Variants in ROBO2 observed in about 807,000 individuals in gnomAD.
The protein encoded by ROBO2 is roundabout homolog 2.
Under a neutral mutation model 160.8 loss-of-function variants are expected in ROBO2, and 53 were observed. The ratio of observed to expected loss-of-function variants is 0.33; its 90% confidence interval spans 0.26 to 0.41. The LOEUF (loss-of-function observed/expected upper bound fraction) is 0.41, where lower values mean the gene tolerates loss of function less well. ROBO2 is among the 10% of genes least tolerant of loss of function. The pLI is 1.00. For synonymous variants in ROBO2, 664 were observed against 611.7 expected, an observed-to-expected ratio of 1.09 and a Z score of -1.26; for missense variants, 1,577 against 1,722.4, an observed-to-expected ratio of 0.92 and a Z score of 1.49.
intron 2 of ROBO2, among the ~76,000 whole-genome samples, chr3:76,911,012 G>A (rs1033353080): frequency 6.6e-6 from 1 of 152,094 alleles, no homozygotes; most frequent in Admixed American, 6.5e-5. Flanking sequence ...AATAGTGTAT[G>A]TGTTGGCGTG....
intron 2 of ROBO2, among the ~76,000 whole-genome samples, chr3:76,196,027 T>C (rs1412328642): frequency 2.6e-5 from 4 of 152,106 alleles, no homozygotes; most frequent in Admixed American, 6.6e-5. Flanking sequence ...TCTCATAGGA[T>C]TGCAATGTGC....
chr3:75,968,595 G>C (rs1190624965), intron 2 of ROBO2, among the ~76,000 whole-genome samples: 3 of 150,846 alleles, frequency 2.0e-5, no homozygotes, highest in African/African-American at 7.3e-5. Context: ...ATTGGCAAGA[G>C]CACCTAAAAA....
chr3:76,947,766 T>C (rs2078660765), intron 2 of ROBO2, among the ~76,000 whole-genome samples: 1 of 152,148 alleles, frequency 6.6e-6, no homozygotes, highest in Admixed American at 6.6e-5. Context: ...ATGTGACTGG[T>C]TTTTTTGTTC....
intron 2 of ROBO2, among the ~76,000 whole-genome samples, chr3:76,302,306 T>C (rs1478089886): frequency 6.6e-6 from 1 of 152,110 alleles, no homozygotes; most frequent in Non-Finnish European, 1.5e-5. Flanking sequence ...AGCTTATCAA[T>C]GATCTGAGAA....
At chr3:77,296,164 T>G (rs1401332589) in intron 2 of ROBO2, among the ~76,000 whole-genome samples, 3 of 149,404 alleles carry the variant, frequency 2.0e-5, no homozygotes, top group East Asian at 2.0e-4. Context: ...GCTAAACGAG[T>G]AAGCTGAGGC....
At chr3:76,295,260 G>C (rs1442019494) in intron 2 of ROBO2, among the ~76,000 whole-genome samples, 1 of 151,830 alleles carries the variant, frequency 6.6e-6, no homozygotes, top group African/African-American at 2.4e-5. Flanking sequence ...GATTCTTTTT[G>C]TCCTCCCCTG....
intron 6 of ROBO2, among the ~76,000 whole-genome samples, chr3:77,539,457 T>A (rs560589890): frequency 6.6e-6 from 1 of 152,226 alleles, no homozygotes; most frequent in East Asian, 1.9e-4. Flanking sequence ...CACATATATA[T>A]TGTTTTCAAA....
intron 2 of ROBO2, among the ~76,000 whole-genome samples, chr3:76,332,598 T>C (rs1295333750): frequency 2.6e-5 from 4 of 152,168 alleles, no homozygotes; most frequent in Non-Finnish European, 5.9e-5. Context: ...TCATAGACAA[T>C]ATAATCTTGA....
intron 6 of ROBO2, among the ~76,000 whole-genome samples, chr3:77,525,313 T>C (rs2091033060): frequency 6.7e-6 from 1 of 148,534 alleles, no homozygotes; most frequent in Non-Finnish European, 1.5e-5. Flanking sequence ...ATGTTTCTGC[T>C]AAAATTTTAT....
chr3:77,112,047 A>G (rs879413352), intron 2 of ROBO2, among the ~76,000 whole-genome samples: 7 of 151,792 alleles, frequency 4.6e-5, no homozygotes, highest in Non-Finnish European at 1.0e-4. Context: ...CCCCATCTCT[A>G]CAAAAAAATA....
At chr3:76,646,839 G>C (rs1164942424) in intron 2 of ROBO2, among the ~76,000 whole-genome samples, 1 of 152,112 alleles carries the variant, frequency 6.6e-6, no homozygotes, top group African/African-American at 2.4e-5. Context: ...CTGTTAACTA[G>C]ATAAAAAGTT....
At chr3:76,740,560 A>G (rs2093785499) in intron 2 of ROBO2, among the ~76,000 whole-genome samples, 1 of 152,156 alleles carries the variant, frequency 6.6e-6, no homozygotes, top group Admixed American at 6.6e-5. Context: ...TCTGACCTGG[A>G]AGAGTGAAGC....
intron 2 of ROBO2, among the ~76,000 whole-genome samples, chr3:76,289,257 C>A (rs1325298802): frequency 6.6e-6 from 1 of 152,160 alleles, no homozygotes; most frequent in Non-Finnish European, 1.5e-5. Context: ...CAATGTTGGG[C>A]ATTTTTTCAT....
intron 2 of ROBO2, among the ~76,000 whole-genome samples, chr3:77,461,305 T>C (rs956516528): frequency 6.6e-6 from 1 of 152,040 alleles, no homozygotes; most frequent in South Asian, 2.1e-4. Flanking sequence ...CCTCTCAGTA[T>C]GCATTTTAAT....
At chr3:76,633,374 A>G (rs2090142557) in intron 2 of ROBO2, among the ~76,000 whole-genome samples, 1 of 152,186 alleles carries the variant, frequency 6.6e-6, no homozygotes, top group African/African-American at 2.4e-5. Context: ...ATGTATTGTG[A>G]GTCAAGGTCA....
At chr3:75,998,478 AAG>A (rs771020272) in intron 2 of ROBO2, among the ~76,000 whole-genome samples, 22 of 152,210 alleles carry the variant, frequency 1.4e-4, no homozygotes, top group Non-Finnish European at 2.2e-4. Flanking sequence ...GTTGGAGAAT[AAG>A]AGGTCAAGAT....
At chr3:77,296,150 G>A (rs186005506) in intron 2 of ROBO2, among the ~76,000 whole-genome samples, 2 of 151,560 alleles carry the variant, frequency 1.3e-5, no homozygotes, top group East Asian at 3.9e-4. Flanking sequence ...AAGTAAAATT[G>A]ACGGCTAAAC....
chr3:77,646,836 A>G (rs1179417555), exon 26 of ROBO2: 1 of 152,584 alleles, frequency 6.6e-6, no homozygotes, highest in Non-Finnish European at 1.5e-5. Flanking sequence ...TTTGCTTAAA[A>G]AAAGAAATTA....
chr3:77,394,776 T>A (rs577268533), intron 2 of ROBO2, among the ~76,000 whole-genome samples: 1 of 152,276 alleles, frequency 6.6e-6, no homozygotes, highest in East Asian at 1.9e-4. Context: ...TAGCCTCATT[T>A]ACCTTACCTA....
Sources: allele counts gnomAD v4.1 joint callset (sites outside exome capture counted in the v4.1 genomes callset), GRCh38; gene constraint gnomAD v4.1.1; transcripts MANE v1.5; gene names NCBI Gene and HGNC (gene_info 2026-07-23, HGNC 2026-07-21).